Variants in PHIP observed in about 807,000 individuals in gnomAD.
PHIP encodes PHIP subunit of CUL4-Ring ligase complex, also known as PH-interacting protein.
In PHIP, 54 loss-of-function variants were observed where a neutral mutation model predicts 236.8. The ratio of observed to expected loss-of-function variants is 0.23; its 90% CI spans 0.18 to 0.29. PHIP has a LOEUF of 0.29. Ranked by LOEUF, PHIP falls within the 10% of genes least tolerant of loss-of-function variation. The probability of loss-of-function intolerance (pLI) is 1.00; values close to 1 mark genes in which losing one functional copy is unlikely to be tolerated. For missense variants in PHIP, 1,370 were observed against 2,190.8 expected (o/e 0.63, Z 7.48); for synonymous variants, 756 against 718.9 (o/e 1.05, Z -0.83).
In PHIP at chr6:79,013,700, TA is replaced by T. The variant is rs1377690764; in HGVS notation, c.1524+1381del. Among the ~76,000 whole-genome samples the T allele has an allele frequency of 2.6e-5, 4 of 151,788 alleles. No homozygotes were observed. In the East Asian group the frequency reaches 7.7e-4, roughly 29 times the overall value. On this transcript the variant is annotated intron_variant, in intron 15 of 39. Transcript: ENST00000275034. ...CCTGATAAGGGAAAATTCACCTTTA[TA>T]TAACTGAAAAGTTAAAGCGGTATTC...
chr6:79,025,433 AT>A, intron 9 of PHIP, 85 bp downstream of exon 9: 1 of 735,788 alleles, frequency 1.4e-6, no homozygotes, highest in Non-Finnish European at 2.4e-6. Flanking sequence ...AAGTAAATGT[AT>A]TCCTATTGTC....
chr6:79,037,780 T>C (rs1056288994), intron 7 of PHIP, among the ~76,000 whole-genome samples: 2 of 152,206 alleles, frequency 1.3e-5, no homozygotes, highest in African/African-American at 4.8e-5. Context: ...AGAATGGACA[T>C]TAGTCATTTT....
rs1326331527 is a variant in PHIP, at chr6:78,937,707, A to T, written c.*2986T>A. ...AATCTTTAGTTTATAATACATGCAG[A>T]AAATAGTCCAATGCCACTATAGCAG... On this transcript the variant is annotated 3_prime_UTR_variant, in exon 40 of 40. Transcript: ENST00000275034. 1 of 151,758 alleles carries T rather than the reference A, an allele frequency of 6.6e-6. No homozygotes were observed. The highest frequency in any genetic ancestry group is 2.4e-5 in the African/African-American group (1 of 41,434). The allele number at this position is 151,758 out of a possible 1,614,324, so 9.4% of individuals were successfully genotyped here.
intron 7 of PHIP, among the ~76,000 whole-genome samples, chr6:79,030,520 T>C (rs1163919957): frequency 1.3e-5 from 2 of 152,184 alleles, no homozygotes; most frequent in South Asian, 4.1e-4. Flanking sequence ...AGAATGATAA[T>C]TGAGTTTTAA....
chr6:79,060,556 T>C lies in PHIP; in HGVS notation c.361A>G (p.Lys121Glu). The C allele has an allele frequency of 6.2e-7, 1 of 1,613,810 alleles. No individual in the cohort carries two copies. The highest frequency in any genetic ancestry group is 8.5e-7 in the Non-Finnish European group (1 of 1,179,836). The change falls in exon 6 of 40, where the codon AAA becomes GAA. Residue 121 changes from lysine to glutamate, a missense_variant. Coordinates refer to ENST00000275034, the MANE Select transcript of PHIP (RefSeq NM_017934.7). The stretch of plus-strand genomic sequence containing the variant: ...TGCAACGCAGCCAGAGCAGATCCTT[T>C]CCACACAACATGCTTGCAGCCTATT... ...TNKSCKHVVW[K>E]GSALAALHCG...
chr6:78,997,716 T>A, intron 18 of PHIP, 119 bp from the exon 19 acceptor site: 1 of 802,570 alleles, frequency 1.2e-6, no homozygotes, highest in South Asian at 2.0e-5. Flanking sequence ...GGCAAAATAA[T>A]TAAATTACCA....
intron 4 of PHIP, among the ~76,000 whole-genome samples, chr6:79,073,238 G>A (rs1356533742): frequency 1.3e-5 from 2 of 152,136 alleles, no homozygotes; most frequent in Non-Finnish European, 2.9e-5. Context: ...AATTCTATAT[G>A]TAAGAAAGAA....
At chr6:79,077,606 G>T in intron 3 of PHIP, 94 bp downstream of exon 3, 1 of 787,506 alleles carries the variant, frequency 1.3e-6, no homozygotes, top group Non-Finnish European at 1.5e-6. Flanking sequence ...CCCGAGCCCC[G>T]CGCCCCGCGC....
intron 39 of PHIP, among the ~76,000 whole-genome samples, chr6:78,944,813 T>G (rs1056790401): frequency 2.6e-5 from 4 of 152,202 alleles, no homozygotes; most frequent in Non-Finnish European, 5.9e-5. Context: ...ACATGGCATA[T>G]TTTATTATTT....
At chr6:79,057,236 G>A (rs1205907097) in intron 6 of PHIP, among the ~76,000 whole-genome samples, 2 of 152,054 alleles carry the variant, frequency 1.3e-5, no homozygotes, top group Non-Finnish European at 2.9e-5. Context: ...CTACAGTAAG[G>A]AGTCCAATAA....
intron 24 of PHIP, among the ~76,000 whole-genome samples, chr6:78,974,715 C>T (rs986483967): frequency 1.2e-4 from 19 of 152,072 alleles, no homozygotes; most frequent in African/African-American, 4.3e-4. Flanking sequence ...CACAGAAATA[C>T]AAACTACCAT....
intron 24 of PHIP, among the ~76,000 whole-genome samples, chr6:78,976,756 C>T (rs1425854702): frequency 6.9e-6 from 1 of 145,564 alleles, no homozygotes; most frequent in Non-Finnish European, 1.5e-5. Flanking sequence ...ATTTATGCAG[C>T]CAAAAAACAC....
intron 24 of PHIP, among the ~76,000 whole-genome samples, chr6:78,974,156 C>G (rs1478475498): frequency 1.3e-5 from 2 of 151,988 alleles, no homozygotes; most frequent in Non-Finnish European, 2.9e-5. Flanking sequence ...TGTAAAAGAA[C>G]AGAAATTATA....
intron 4 of PHIP, among the ~76,000 whole-genome samples, chr6:79,061,911 T>G (rs1416399086): frequency 6.6e-6 from 1 of 152,052 alleles, no homozygotes; most frequent in Non-Finnish European, 1.5e-5. Flanking sequence ...ACTGCAGAAA[T>G]CCATGAATGA....
In PHIP at chr6:78,936,403, G is replaced by A. The variant is rs1414218454; in HGVS notation, c.*4290C>T. ...TGCAGTTTTAATATGGTCCAAAAAT[G>A]TAACTTTGTATTGTCTCATGTTATA... is the stretch of plus-strand genomic sequence containing the variant. On this transcript the variant is annotated 3_prime_UTR_variant, in exon 40 of 40. Transcript: ENST00000275034. 1 of 151,786 alleles carries A rather than the reference G, an allele frequency of 6.6e-6. No homozygotes were observed. The highest frequency in any genetic ancestry group is 1.5e-5 in the Non-Finnish European group (1 of 67,756). 9.4% of individuals were successfully genotyped at this position (151,786 alleles called of 1,614,324 possible).
At chr6:78,967,823 A>C (rs1395735278) in intron 27 of PHIP, among the ~76,000 whole-genome samples, 1 of 152,056 alleles carries the variant, frequency 6.6e-6, no homozygotes, top group East Asian at 1.9e-4. Context: ...TTTATTGGCA[A>C]ATGCAACTCC....
At chr6:79,016,377 T>C (rs1464669761) in intron 13 of PHIP, among the ~76,000 whole-genome samples, 167 bp downstream of exon 13, 1 of 151,956 alleles carries the variant, frequency 6.6e-6, no homozygotes, top group Non-Finnish European at 1.5e-5. Flanking sequence ...CAATGAATCA[T>C]TTCATAAAAA....
chr6:78,937,062 C>T lies in PHIP; in HGVS notation c.*3631G>A, dbSNP rs545944132. 4.6e-5 allele frequency: 7 copies of T among 151,748 alleles called. No individual in the cohort carries two copies. In the South Asian group the frequency reaches 1.5e-3, roughly 31 times the overall value. 9.4% of individuals were successfully genotyped at this position (151,748 alleles called of 1,614,324 possible). ...GTAATCAGATGATAAAACTACTTCC[C>T]CTATTATGACTTTTAAAATCATGTA... is the stretch of plus-strand genomic sequence containing the variant. On this transcript the variant is annotated 3_prime_UTR_variant, in exon 40 of 40. Transcript: ENST00000275034.
At chr6:79,045,067 C>A (rs553015234) in intron 6 of PHIP, among the ~76,000 whole-genome samples, 1 of 152,300 alleles carries the variant, frequency 6.6e-6, no homozygotes, top group Non-Finnish European at 1.5e-5. Context: ...ATATTCCACA[C>A]TACCCTTTGT....
Sources: allele counts gnomAD v4.1 joint callset (sites outside exome capture counted in the v4.1 genomes callset), GRCh38; gene constraint gnomAD v4.1.1; transcripts MANE v1.5; gene names NCBI Gene and HGNC (gene_info 2026-07-23, HGNC 2026-07-21).